DACT2: variants seen among roughly 807,000 people sequenced by gnomAD.
DACT2 encodes dapper homolog 2.
In DACT2, 20 loss-of-function variants were observed where a neutral mutation model predicts 22.2. That is an observed-to-expected ratio of 0.90 (90% CI 0.63 to 1.31). The LOEUF (loss-of-function observed/expected upper bound fraction) is 1.31, where lower values mean the gene tolerates loss of function less well. Ranked by LOEUF, DACT2 falls within the 50% of genes most tolerant of loss-of-function variation. The pLI is 0.00. For synonymous variants in DACT2, 463 were observed against 479.8 expected (o/e 0.96, Z 0.46); for missense variants, 1,048 against 1,061.4 (o/e 0.99, Z 0.18).
intron 3 of DACT2, among the ~76,000 whole-genome samples, chr6:168,297,386 G>A (rs945632477): frequency 6.6e-6 from 1 of 152,168 alleles, no homozygotes; most frequent in African/African-American, 2.4e-5. Flanking sequence ...CCTCATGAGA[G>A]GAAGAGGGAA....
At chr6:168,304,189 C>T (rs559166682), downstream of DACT2, among the ~76,000 whole-genome samples, 90 of 152,334 alleles carry the variant, frequency 5.9e-4, 1 homozygote, top group South Asian at 8.3e-4. Context: ...TGACAGGCCA[C>T]GCTCTGCCTT....
chr6:168,294,994 G>T (rs1012077095), intron 3 of DACT2, among the ~76,000 whole-genome samples: 1 of 152,192 alleles, frequency 6.6e-6, no homozygotes, highest in African/African-American at 2.4e-5. Flanking sequence ...ACCGAGTCTT[G>T]CTTGTGGAAC....
At chr6:168,319,021 G>A (rs1355221705) in intron 1 of DACT2, among the ~76,000 whole-genome samples, 1 of 152,084 alleles carries the variant, frequency 6.6e-6, no homozygotes, top group Non-Finnish European at 1.5e-5. Flanking sequence ...CTCCGCCAGG[G>A]GAACGCCGGT....
intron 1 of DACT2, among the ~76,000 whole-genome samples, chr6:168,313,890 G>A (rs1324409141): frequency 6.6e-6 from 1 of 152,118 alleles, no homozygotes; most frequent in Non-Finnish European, 1.5e-5. Flanking sequence ...ATTAATGGTC[G>A]AGGGGCTGCA....
rs5881778 is a variant in DACT2, at chr6:168,318,977, C to CG, written c.246+410dup. Among the ~76,000 whole-genome samples, 156 of 152,066 alleles carry CG rather than the reference C, an allele frequency of 1.0e-3. 1 individual carries two copies. Among genetic ancestry groups the CG allele is most frequent in the South Asian group, 2.3e-3 (11 of 4,814 alleles). On this transcript the variant is annotated intron_variant, in intron 1 of 3. Coordinates refer to ENST00000366795, the MANE Select transcript of DACT2 (RefSeq NM_214462.5). ...AAGACAGCAGGGGGGACCTGGTCCCCGGGGGGGGAGTGATGCCAGGATCCC... is the reference window on the plus strand; with the variant it reads ...AAGACAGCAGGGGGGACCTGGTCCCCGGGGGGGGGAGTGATGCCAGGATCCC...
intron 1 of DACT2, among the ~76,000 whole-genome samples, chr6:168,318,222 A>G (rs1056483932): frequency 2.0e-5 from 3 of 152,284 alleles, no homozygotes; most frequent in African/African-American, 2.4e-5. Context: ...GGGTGAGTAA[A>G]CAAAGTCTGT....
chr6:168,301,002 C>A (rs1387714013), intron 3 of DACT2, among the ~76,000 whole-genome samples: 3 of 151,782 alleles, frequency 2.0e-5, no homozygotes, highest in Admixed American at 6.6e-5. Context: ...AACAAACAAA[C>A]AAACAAAAAA....
intron 3 of DACT2, among the ~76,000 whole-genome samples, chr6:168,296,508 CA>C (rs1779012060): frequency 6.9e-6 from 1 of 144,468 alleles, no homozygotes; most frequent in African/African-American, 2.7e-5. Flanking sequence ...AGGGAAAGAG[CA>C]GATCCATCCA....
chr6:168,309,442 G>C (rs566642802), intron 3 of DACT2, among the ~76,000 whole-genome samples: 1 of 151,942 alleles, frequency 6.6e-6, no homozygotes, highest in African/African-American at 2.4e-5. Flanking sequence ...GTGCGGGGCC[G>C]TTTGCGTGTA....
downstream of DACT2, among the ~76,000 whole-genome samples, chr6:168,306,588 G>A (rs534037032): frequency 4.0e-5 from 6 of 151,320 alleles, no homozygotes; most frequent in Non-Finnish European, 8.8e-5. Flanking sequence ...GATTACAGGT[G>A]CATGTCACCA....
At position 168,308,175 on chromosome 6, in the gene DACT2, G is replaced by A. The variant is rs1779277044; in HGVS notation, c.1582C>T (p.Pro528Ser). Residue 528 changes from proline (P) to serine (S), a missense_variant, in exon 4 of 4, where the codon CCC (proline) becomes TCC (serine). Pro to Ser is a moderately conservative substitution (Grantham distance 74). Transcript: ENST00000366795. ...LDRPEGAHAA[P>S]QPSLEWDPAH... ...GGGTCCCACTCCAGGGATGGCTGGG[G>A]GGCTGCATGGGCTCCCTCAGGCCTG... 5.8e-6 allele frequency: 9 copies of A among 1,551,192 alleles called. No homozygotes were observed. Among genetic ancestry groups the A allele is most frequent in the South Asian group, 1.2e-5 (1 of 84,054 alleles).
At chr6:168,296,221 G>GAGGACAGA (rs1779006101) in intron 3 of DACT2, among the ~76,000 whole-genome samples, 1 of 111,736 alleles carries the variant, frequency 8.9e-6, no homozygotes. Context: ...TGGAGGACAG[G>GAGGACAGA]CACCCGGAAT....
rs909312744 is a variant in DACT2, at chr6:168,307,527, C to T, written c.2230G>A (p.Val744Met). ...PVSSGPLLSPVPKLCRIKASK... is the reference protein window; with the variant it reads ...PVSSGPLLSPMPKLCRIKASK... ...GCCTTAATACGGCACAGCTTGGGCA[C>T]GGGGGACAGGAGTGGCCCCGAGCTG... The change falls in exon 4 of 4, where the codon GTG (valine) becomes ATG (methionine). Residue 744 changes from valine to methionine, a missense_variant. Physicochemically the swap from Val to Met is conservative, Grantham distance 21 (BLOSUM62 1). Transcript: ENST00000366795. This position sits in a 1 kb window ranked among gnomAD's most constrained non-coding sequence, Gnocchi z 5.3. 3.9e-6 allele frequency: 6 copies of T among 1,551,510 alleles called. No homozygotes were observed. The highest frequency in any genetic ancestry group is 1.2e-5 in the South Asian group (1 of 84,050).
At chr6:168,306,696 C>T (rs375923745), downstream of DACT2, among the ~76,000 whole-genome samples, 223 of 152,206 alleles carry the variant, frequency 1.5e-3, 4 homozygotes, top group South Asian at 0.033. Context: ...GTGATCCACC[C>T]GCCTTGTCTT....
chr6:168,311,380 A>C, intron 1 of DACT2, 96 bp from the exon 2 acceptor site: 15 of 1,396,450 alleles, frequency 1.1e-5, no homozygotes, highest in Non-Finnish European at 1.4e-5. Flanking sequence ...AATGCAATTT[A>C]AACTCCCAAA....
Position 168,319,451 on chromosome 6 carries a change from G to T in DACT2, c.183C>A (p.Pro61=), listed in dbSNP as rs1361983723. 1 of 1,205,948 alleles carries T rather than the reference G, an allele frequency of 8.3e-7. No homozygotes were observed. The highest frequency in any genetic ancestry group is 1.0e-6 in the Non-Finnish European group (1 of 972,184). 74.7% of individuals were successfully genotyped at this position (1,205,948 alleles called of 1,614,324 possible). A position where few individuals can be genotyped will look rare whatever the true frequency, so the allele number is the denominator to read the frequency against. ...PPPAPAAPCG[P]HGLHGPEQQL... is the part of the protein sequence containing the mutation. ...GCTGCTCGGGGCCGTGGAGGCCGTG[G>T]GGGCCGCAGGGCGCGGCGGGCGCGG... Residue 61 remains proline, a synonymous_variant, in exon 1 of 4, where the codon CCC becomes CCA. Transcript: ENST00000366795.
At position 168,307,106 on chromosome 6, in the gene DACT2, A is replaced by C; in HGVS notation, c.*326T>G. 1 of 1,113,140 alleles carries C rather than the reference A, an allele frequency of 9.0e-7. No homozygotes were observed. The highest frequency in any genetic ancestry group is 1.1e-6 in the Non-Finnish European group (1 of 910,494). The allele number at this position is 1,113,140 out of a possible 1,614,324, so 69.0% of individuals were successfully genotyped here. ...TCCCCAGCCAGAGGGGAGTGAGGGCAGGGGAAGCCATGGGAGGATGACAAC... is the reference window on the plus strand; with the variant it reads ...TCCCCAGCCAGAGGGGAGTGAGGGCCGGGGAAGCCATGGGAGGATGACAAC... On this transcript the variant is annotated 3_prime_UTR_variant, in exon 4 of 4. Transcript: ENST00000366795. The surrounding 1 kb of genome is among the most constrained non-coding windows in gnomAD (Gnocchi z 5.3).
exon 4 of DACT2, chr6:168,294,634 T>G: frequency 1.4e-6 from 2 of 1,448,422 alleles, no homozygotes; most frequent in Non-Finnish European, 1.8e-6. Context: ...CTTCCCTACC[T>G]GTCAGTGAAC....
downstream of DACT2, among the ~76,000 whole-genome samples, chr6:168,305,280 C>T (rs1779181749): frequency 6.6e-6 from 1 of 152,138 alleles, no homozygotes; most frequent in Non-Finnish European, 1.5e-5. Flanking sequence ...AAGGAATTCG[C>T]TTGGCTGGAA....
Sources: allele counts gnomAD v4.1 joint callset (sites outside exome capture counted in the v4.1 genomes callset), GRCh38; gene constraint gnomAD v4.1.1; non-coding constraint Gnocchi (gnomAD v3.1); transcripts MANE v1.5; gene names NCBI Gene and HGNC (gene_info 2026-07-23, HGNC 2026-07-21).